The following PCDHGA4 variants were observed in gnomAD, a reference collection of about 807,000 sequenced individuals.
PCDHGA4 encodes protocadherin gamma subfamily A, 4.
In PCDHGA4, 38 loss-of-function variants were observed where a neutral mutation model predicts 54.6. That is an observed-to-expected ratio of 0.70 (90% CI 0.54 to 0.91). The LOEUF is 0.91. Ranked by LOEUF, PCDHGA4 falls within the 40% of genes least tolerant of loss-of-function variation. PCDHGA4 has a pLI of 0.00. For missense variants in PCDHGA4, 1,298 were observed against 1,220.9 expected (o/e 1.06, Z -0.94); for synonymous variants, 511 against 512.9 (o/e 1.00, Z 0.05).
At chr5:141,420,029 G>T (rs1382842280) in intron 1 of PCDHGA4, 2 of 1,614,082 alleles carry the variant, frequency 1.2e-6, no homozygotes, top group Non-Finnish European at 1.7e-6. Flanking sequence ...CCCTACTGCA[G>T]GAGACTGCTT....
At chr5:141,475,884 G>C (rs998700290) in intron 1 of PCDHGA4, 1 of 557,810 alleles carries the variant, frequency 1.8e-6, no homozygotes, top group Non-Finnish European at 3.2e-6. Flanking sequence ...TATTGGCTGG[G>C]ACTCTGTGTG....
chr5:141,482,041 T>C (rs1443886481), intron 1 of PCDHGA4, among the ~76,000 whole-genome samples: 2 of 150,190 alleles, frequency 1.3e-5, no homozygotes, highest in Non-Finnish European at 2.9e-5. Context: ...GCCAAGATCA[T>C]GCTGTTGCAT....
At position 141,423,009 on chromosome 5, in the gene PCDHGA4, G is replaced by A. The variant is rs371209178; in HGVS notation, c.2514+65388G>A. 28 of 1,614,222 alleles carry A rather than the reference G, an allele frequency of 1.7e-5. No individual in the cohort carries two copies. The East Asian group carries it at 4.9e-4, about 28-fold the overall frequency. On this transcript the variant is annotated intron_variant, in intron 1 of 3. Transcript: ENST00000571252. ...GCTACCTGGTGACCAAGGTGGTTGC[G>A]GTGGACAAAGATTCAGGCCAGAACG...
chr5:141,423,877 C>G, intron 1 of PCDHGA4: 1 of 1,283,890 alleles, frequency 7.8e-7, no homozygotes, highest in South Asian at 3.4e-5. Flanking sequence ...ATTTTTCAAT[C>G]TTGGCATATT....
chr5:141,431,770 T>A lies in PCDHGA4; in HGVS notation c.2515-63037T>A, dbSNP rs748816389. 7 of 1,614,086 alleles carry A rather than the reference T, an allele frequency of 4.3e-6. No homozygotes were observed. The highest frequency in any genetic ancestry group is 1.3e-5 in the African/African-American group (1 of 74,938). ...CGCGAGCCAAAGTCCTGATCACTGT[T>A]CTGGACGTGAACGACAATGCCCCAG... On this transcript the variant is annotated intron_variant, in intron 1 of 3. Coordinates refer to ENST00000571252, the MANE Select transcript of PCDHGA4 (RefSeq NM_018917.4). This position sits in a 1 kb window ranked among gnomAD's most constrained non-coding sequence, Gnocchi z 4.8.
rs773232677 is a variant in PCDHGA4, at chr5:141,490,388, G to A, written c.2515-4419G>A. 2 of 1,614,206 alleles carry A rather than the reference G, an allele frequency of 1.2e-6. No homozygotes were observed. The highest frequency in any genetic ancestry group is 2.2e-5 in the East Asian group (1 of 44,878). The stretch of plus-strand genomic sequence containing the variant: ...CGAGACCGGGACTCAGGTAGAAATG[G>A]TGAAGTGAGCCTTGATATCTCTCCG... On this transcript the variant is annotated intron_variant, in intron 1 of 3. Transcript: ENST00000571252. The surrounding 1 kb of genome is among the most constrained non-coding windows in gnomAD (Gnocchi z 5.4).
intron 1 of PCDHGA4, among the ~76,000 whole-genome samples, chr5:141,456,166 G>A (rs531975607): frequency 6.6e-6 from 1 of 152,148 alleles, no homozygotes; most frequent in African/African-American, 2.4e-5. Flanking sequence ...TAAAGTGCTG[G>A]GATTACAGAA....
intron 1 of PCDHGA4, chr5:141,408,741 T>C: frequency 6.2e-7 from 1 of 1,610,092 alleles, no homozygotes; most frequent in Non-Finnish European, 8.5e-7. Context: ...TATTTTTCAT[T>C]AATGGTTAGA....
At chr5:141,374,094 C>T (rs544125570) in intron 1 of PCDHGA4, 19 of 1,555,744 alleles carry the variant, frequency 1.2e-5, no homozygotes, top group Non-Finnish European at 1.7e-5. Flanking sequence ...ATGGCGCCTC[C>T]GCAGAGGCAT....
rs55729045 is a variant in PCDHGA4 at position 141,395,542 on chromosome 5, TTGTGTGTGTGTGTG to T, written c.2514+37957_2514+37970del. ...TCCATACTGGTAATTTTGCTATTGT[TTGTGTGTGTGTGTG>T]TGTGTGTGTGTGTGTGTGTGTGTGT... On this transcript the variant is annotated intron_variant, in intron 1 of 3. Transcript: ENST00000571252. The T allele has an allele frequency of 6.1e-4, 106 of 172,624 alleles. 1 individual carries two copies. Among genetic ancestry groups the T allele is most frequent in the South Asian group, 8.7e-4 (10 of 11,526 alleles). The allele number at this position is 172,624 out of a possible 1,614,324, so 10.7% of individuals were successfully genotyped here.
intron 1 of PCDHGA4, chr5:141,404,461 C>T: frequency 1.2e-6 from 2 of 1,613,208 alleles, no homozygotes; most frequent in Non-Finnish European, 1.7e-6. Flanking sequence ...CTCTCTCCAC[C>T]TATGTCTCTA....
intron 1 of PCDHGA4, chr5:141,427,848 C>A: frequency 6.4e-7 from 1 of 1,551,668 alleles, no homozygotes; most frequent in Non-Finnish European, 8.8e-7. Flanking sequence ...CGACCACGAG[C>A]AGCTGTGCGC....
At chr5:141,436,793 C>T (rs752376420) in intron 1 of PCDHGA4, among the ~76,000 whole-genome samples, 4 of 152,178 alleles carry the variant, frequency 2.6e-5, no homozygotes, top group Non-Finnish European at 5.9e-5. Flanking sequence ...TAAAACTGTT[C>T]TAAAATTTTT....
intron 1 of PCDHGA4, among the ~76,000 whole-genome samples, chr5:141,467,758 C>CTCAA (rs933308513): frequency 6.6e-5 from 10 of 152,018 alleles, no homozygotes; most frequent in Admixed American, 5.9e-4. Flanking sequence ...GCCTCACATG[C>CTCAA]TCAAGTGCCC....
Position 141,475,863 on chromosome 5 carries a change from C to G in PCDHGA4, c.2515-18944C>G, listed in dbSNP as rs1037784260. On this transcript the variant is annotated intron_variant, in intron 1 of 3. Transcript: ENST00000571252. ...TCAGAGAGCCCGGCGCTAGCTCATT[C>G]TTCGTGCAGTTATTGGCTGGGACTC... is the stretch of plus-strand genomic sequence containing the variant. 1.4e-5 allele frequency: 7 copies of G among 499,790 alleles called. 1 individual carries two copies. The highest frequency in any genetic ancestry group is 1.4e-4 in the African/African-American group (7 of 51,600). The allele number at this position is 499,790 out of a possible 1,614,324, so 31.0% of individuals were successfully genotyped here. A position where few individuals can be genotyped will look rare whatever the true frequency, so the allele number is the denominator to read the frequency against.
intron 1 of PCDHGA4, chr5:141,413,940 TC>T (rs1190444840): frequency 1.2e-6 from 2 of 1,613,390 alleles, no homozygotes; most frequent in East Asian, 2.2e-5. Context: ...GAGTGAGTGT[TC>T]CTGAGAATTT....
chr5:141,364,488 G>A (rs144886424), intron 1 of PCDHGA4: 360 of 1,614,020 alleles, frequency 2.2e-4, no homozygotes, highest in Non-Finnish European at 2.9e-4. Context: ...AAGGACCTTG[G>A]GCTGGAGCCC....
chr5:141,410,653 A>G (rs1272999564), intron 1 of PCDHGA4: 9 of 1,589,886 alleles, frequency 5.7e-6, no homozygotes, highest in Non-Finnish European at 7.7e-6. Context: ...TGATTTATCT[A>G]ATAGTCTACT....
chr5:141,494,546 G>T (rs984336435), intron 1 of PCDHGA4, among the ~76,000 whole-genome samples: 1 of 152,152 alleles, frequency 6.6e-6, no homozygotes, highest in African/African-American at 2.4e-5. Context: ...GGAGGAAGGG[G>T]CCATTTCTTT....
Sources: allele counts gnomAD v4.1 joint callset (sites outside exome capture counted in the v4.1 genomes callset), GRCh38; gene constraint gnomAD v4.1.1; non-coding constraint Gnocchi (gnomAD v3.1); transcripts MANE v1.5; gene names NCBI Gene and HGNC (gene_info 2026-07-23, HGNC 2026-07-21).